WTAP: variants seen among roughly 807,000 people sequenced by gnomAD.
WTAP encodes the protein WT1 associated protein, also known as pre-mRNA-splicing regulator WTAP.
A neutral mutation model predicts 50.0 loss-of-function variants in WTAP; 8 were observed. The observed-to-expected ratio is 0.16, with a 90% CI of 0.09 to 0.29. The LOEUF (loss-of-function observed/expected upper bound fraction) is 0.29. WTAP is among the 10% of genes least tolerant of loss of function. WTAP has a pLI of 1.00. For synonymous variants in WTAP, 194 were observed against 169.0 expected (o/e 1.15, Z -1.15); for missense variants, 295 against 470.7 (o/e 0.63, Z 3.45).
intron 5 of WTAP, among the ~76,000 whole-genome samples, chr6:159,747,365 C>T (rs112720094): frequency 5.9e-5 from 9 of 152,202 alleles, no homozygotes; most frequent in South Asian, 2.1e-4. Context: ...ATTGTAGTCC[C>T]GCTATGGCAC....
At chr6:159,753,151 G>A (rs888710503) in intron 6 of WTAP, among the ~76,000 whole-genome samples, 3 of 152,068 alleles carry the variant, frequency 2.0e-5, no homozygotes, top group Non-Finnish European at 4.4e-5. Context: ...TAATTAACTG[G>A]CTCTGTTTCC....
chr6:159,726,973 C>T, upstream of WTAP: 1 of 1,282,200 alleles, frequency 7.8e-7, no homozygotes, highest in Non-Finnish European at 1.0e-6. Context: ...CACAGAGCGG[C>T]CAATCACGCG....
intron 5 of WTAP, among the ~76,000 whole-genome samples, chr6:159,746,522 G>C (rs1208046814): frequency 6.6e-6 from 1 of 152,044 alleles, no homozygotes; most frequent in East Asian, 1.9e-4. Flanking sequence ...TCATCCATTT[G>C]ATCTTTTAAT....
intron 6 of WTAP, among the ~76,000 whole-genome samples, chr6:159,750,632 T>A (rs566339773): frequency 2.5e-4 from 38 of 152,352 alleles, no homozygotes; most frequent in Admixed American, 7.2e-4. Context: ...TGTTTTTTTT[T>A]ACTTGGTCTC....
chr6:159,742,124 G>A lies in WTAP; in HGVS notation c.123G>A (p.Glu41=). 6.2e-7 allele frequency: 1 copy of A among 1,608,152 alleles called. No individual in the cohort carries two copies. The highest frequency in any genetic ancestry group is 8.5e-7 in the Non-Finnish European group (1 of 1,178,298). The change falls in exon 4 of 8, where the codon GAG becomes GAA. Residue 41 remains glutamate (E), a synonymous_variant. Transcript: ENST00000621533. ...ATGAAGCATATGTACAAGCTTTGGA[G>A]GGCAAGTACACAGATCTTAACTGTA... ...KQYEAYVQAL[E]GKYTDLNSND...
chr6:159,744,012 A>C (rs1779415595), intron 5 of WTAP, among the ~76,000 whole-genome samples: 1 of 151,930 alleles, frequency 6.6e-6, no homozygotes, highest in Admixed American at 6.6e-5. Flanking sequence ...TTTTTTTTGA[A>C]ATTTTCATGC....
At position 159,727,713 on chromosome 6, in the gene WTAP, G is replaced by A. The variant is rs1407766698; in HGVS notation, c.-9+10G>A. The A allele has an allele frequency of 2.0e-6, 2 of 985,470 alleles. No individual in the cohort carries two copies. The highest frequency in any genetic ancestry group is 3.5e-5 in the African/African-American group (2 of 57,214). 61.0% of individuals were successfully genotyped at this position (985,470 alleles called of 1,614,324 possible). On this transcript the variant is annotated intron_variant, in intron 1 of 7. Coordinates refer to ENST00000621533, the MANE Select transcript of WTAP (RefSeq NM_001270531.2). Reference sequence around the variant, plus strand: ...GCTTCTGCCTGGAGAGGTAGGCGCGGGCCGGCTGGCGGGAGCGGACGCGGG... The same window carrying A: ...GCTTCTGCCTGGAGAGGTAGGCGCGAGCCGGCTGGCGGGAGCGGACGCGGG...
intron 7 of WTAP, among the ~76,000 whole-genome samples, chr6:159,754,554 C>T (rs1448128216): frequency 1.3e-5 from 2 of 152,176 alleles, no homozygotes; most frequent in Non-Finnish European, 2.9e-5. Context: ...GGATTGGTGT[C>T]AGGACCTCCC....
intron 5 of WTAP, among the ~76,000 whole-genome samples, chr6:159,744,765 G>C (rs953902108): frequency 1.3e-5 from 2 of 152,050 alleles, no homozygotes; most frequent in African/African-American, 4.8e-5. Context: ...TCTCATCCAG[G>C]CTGGAGTGCA....
At chr6:159,745,587 G>A (rs564438150) in intron 5 of WTAP, among the ~76,000 whole-genome samples, 5 of 152,242 alleles carry the variant, frequency 3.3e-5, no homozygotes, top group Admixed American at 2.0e-4. Context: ...TATGGCAGAT[G>A]AGGATAAAGT....
chr6:159,727,702 A>T lies in WTAP; in HGVS notation c.-10A>T, dbSNP rs1220769836. On this transcript the variant is annotated splice_region_variant and 5_prime_UTR_variant, in exon 1 of 8. Transcript: ENST00000621533. The stretch of plus-strand genomic sequence containing the variant: ...GCGCCGGCGCGGCTTCTGCCTGGAG[A>T]GGTAGGCGCGGGCCGGCTGGCGGGA... The T allele has an allele frequency of 8.1e-6, 8 of 984,478 alleles. No individual in the cohort carries two copies. The South Asian group carries it at 3.3e-4, about 41-fold the overall frequency. The allele number at this position is 984,478 out of a possible 1,614,324, so 61.0% of individuals were successfully genotyped here.
At chr6:159,726,952 A>C (rs746102190), upstream of WTAP, 56 of 1,287,612 alleles carry the variant, frequency 4.3e-5, no homozygotes, top group South Asian at 6.7e-4. Context: ...ATCACGGATG[A>C]GCGTCACGAA....
At chr6:159,736,341 TG>T (rs1562455267) in intron 2 of WTAP, 46 bp downstream of exon 2, 2 of 1,486,940 alleles carry the variant, frequency 1.3e-6, no homozygotes, top group South Asian at 1.2e-5. Flanking sequence ...TTGGGTTTTT[TG>T]GGGGCTTTTT....
At position 159,755,186 on chromosome 6, in the gene WTAP, G is replaced by A. The variant is rs1254491084; in HGVS notation, c.766G>A (p.Ala256Thr). ...ASAPSTSRTT[A>T]SEPVEQSEAT... ...TGCCCCAAGTACCAGCAGGACTACA[G>A]CTTCTGAACCTGTAGAACAGTCAGA... The change falls in exon 8 of 8, where the codon GCT becomes ACT. Residue 256 changes from alanine (A) to threonine (T), a missense_variant. Physicochemically the swap from Ala to Thr is moderately conservative, Grantham distance 58 (BLOSUM62 0). This residue lies in a region of WTAP where 175 missense variants were observed against 183.1 expected (regional missense o/e 0.96). Transcript: ENST00000621533. 5 of 1,614,170 alleles carry A rather than the reference G, an allele frequency of 3.1e-6. No homozygotes were observed. The African/African-American group carries it at 6.7e-5, about 22-fold the overall frequency.
At chr6:159,736,114 T>G in intron 1 of WTAP, 144 bp from the exon 2 acceptor site, 2 of 870,794 alleles carry the variant, frequency 2.3e-6, no homozygotes, top group Non-Finnish European at 1.7e-6. Flanking sequence ...TCTAAAACTA[T>G]TTTAAAATTG....
chr6:159,728,250 CCT>C (rs1227759504), intron 1 of WTAP, among the ~76,000 whole-genome samples: 1 of 152,094 alleles, frequency 6.6e-6, no homozygotes, highest in African/African-American at 2.4e-5. Flanking sequence ...ACCTTGGATC[CCT>C]GTGAGACAGT....
At chr6:159,727,373 C>CCGGCAGG (rs766462112), upstream of WTAP, 1 of 623,036 alleles carries the variant, frequency 1.6e-6, no homozygotes, top group South Asian at 2.2e-5. Context: ...AGCGGGGAGG[C>CCGGCAGG]TGGCGGGAGG....
chr6:159,753,975 CAT>C (rs939438065), intron 7 of WTAP, among the ~76,000 whole-genome samples: 5 of 152,098 alleles, frequency 3.3e-5, no homozygotes, highest in Non-Finnish European at 7.4e-5. Context: ...ATCTTAGAAA[CAT>C]GGGCAGTTTT....
intron 1 of WTAP, among the ~76,000 whole-genome samples, chr6:159,729,945 A>G (rs1778466762): frequency 6.6e-6 from 1 of 152,224 alleles, no homozygotes. Context: ...ACCAGTCTAG[A>G]CTGAACTCCA....
Sources: allele counts gnomAD v4.1 joint callset (sites outside exome capture counted in the v4.1 genomes callset), GRCh38; gene constraint gnomAD v4.1.1; regional missense constraint gnomAD v4.1.1; transcripts MANE v1.5; gene names NCBI Gene and HGNC (gene_info 2026-07-23, HGNC 2026-07-21).